Variants in CALCRL observed in about 807,000 individuals in gnomAD.
CALCRL encodes the protein calcitonin receptor like receptor.
A neutral mutation model predicts 60.4 loss-of-function variants in CALCRL; 27 were observed. The observed-to-expected ratio is 0.45, with a 90% confidence interval of 0.33 to 0.62. The LOEUF (loss-of-function observed/expected upper bound fraction) is 0.62. CALCRL is among the 20% of genes least tolerant of loss of function. The pLI is 0.03. For synonymous variants in CALCRL, 190 were observed against 182.6 expected, an observed-to-expected ratio of 1.04 and a Z score of -0.33; for missense variants, 424 against 540.7, an observed-to-expected ratio of 0.78 and a Z score of 2.14.
At chr2:187,438,853 C>T (rs1690767969) in intron 1 of CALCRL, among the ~76,000 whole-genome samples, 1 of 152,098 alleles carries the variant, frequency 6.6e-6, no homozygotes, top group South Asian at 2.1e-4. Flanking sequence ...TGAAGAAATA[C>T]ATATTAGGTT....
intron 1 of CALCRL, among the ~76,000 whole-genome samples, chr2:187,397,836 T>C (rs1176177196): frequency 6.6e-6 from 1 of 151,760 alleles, no homozygotes; most frequent in Non-Finnish European, 1.5e-5. Context: ...AAATTGGTTA[T>C]AATAGCCTTT....
At chr2:187,376,112 G>C (rs1329707335) in intron 8 of CALCRL, among the ~76,000 whole-genome samples, 2 of 152,020 alleles carry the variant, frequency 1.3e-5, no homozygotes, top group African/African-American at 4.8e-5. Context: ...AGATTCTTGG[G>C]TGTGGAAAGA....
At chr2:187,428,985 T>G (rs1047126975) in intron 1 of CALCRL, 4 of 151,966 alleles carry the variant, frequency 2.6e-5, no homozygotes, top group African/African-American at 9.7e-5. Flanking sequence ...AATATAAATA[T>G]TGCTTCAATT....
intron 1 of CALCRL, among the ~76,000 whole-genome samples, chr2:187,420,795 A>G (rs983750556): frequency 6.6e-6 from 1 of 152,214 alleles, no homozygotes; most frequent in African/African-American, 2.4e-5. Flanking sequence ...ATACACAAAT[A>G]CAGTAATAAT....
At chr2:187,366,489 G>A (rs698578) in intron 8 of CALCRL, among the ~76,000 whole-genome samples, 132,001 of 151,928 alleles carry the variant, frequency 0.87, 57,590 homozygotes, top group African/African-American at 0.91. Flanking sequence ...TAATCACTAT[G>A]TATTGTAGAT....
intron 1 of CALCRL, among the ~76,000 whole-genome samples, chr2:187,444,340 A>T (rs574404843): frequency 6.6e-6 from 1 of 151,656 alleles, no homozygotes; most frequent in East Asian, 1.9e-4. Flanking sequence ...CCCCAATACC[A>T]TAGGGGTTAT....
chr2:187,415,049 T>C (rs775753995), intron 1 of CALCRL, among the ~76,000 whole-genome samples: 1 of 152,146 alleles, frequency 6.6e-6, no homozygotes, highest in Non-Finnish European at 1.5e-5. Flanking sequence ...TGGTTAAATG[T>C]TAATCCCACA....
intron 8 of CALCRL, among the ~76,000 whole-genome samples, chr2:187,372,624 G>T (rs1477333695): frequency 6.6e-6 from 1 of 152,026 alleles, no homozygotes; most frequent in East Asian, 1.9e-4. Flanking sequence ...TCAACTTTTT[G>T]TATGGTTCTT....
rs574628369 is a variant in CALCRL at position 187,387,080 on chromosome 2, A to T, written c.-37+249T>A. ...GGACTAATACACTGAACACGCAAAC[A>T]ATATTTTTAAAGGAGAGAAAAAATT... is the stretch of plus-strand genomic sequence containing the variant. On this transcript the variant is annotated intron_variant, in intron 3 of 14. Transcript: ENST00000392370. 3.1e-4 allele frequency among the ~76,000 whole-genome samples: 47 copies of T among 152,318 alleles called. No individual in the cohort carries two copies. In the South Asian group the frequency reaches 8.1e-3, roughly 26 times the overall value.
intron 1 of CALCRL, among the ~76,000 whole-genome samples, chr2:187,442,367 A>AT (rs968505899): frequency 2.0e-5 from 3 of 149,660 alleles, no homozygotes; most frequent in East Asian, 3.9e-4. Flanking sequence ...CTTTGAATGT[A>AT]TTTTTTTTTA....
chr2:187,362,394 A>G (rs1687091973), intron 9 of CALCRL, among the ~76,000 whole-genome samples: 1 of 152,058 alleles, frequency 6.6e-6, no homozygotes, highest in Non-Finnish European at 1.5e-5. Flanking sequence ...AACATATACA[A>G]GATTAAGCAA....
At chr2:187,367,474 A>G (rs1482795043) in intron 8 of CALCRL, among the ~76,000 whole-genome samples, 1 of 152,262 alleles carries the variant, frequency 6.6e-6, no homozygotes, top group East Asian at 1.9e-4. Flanking sequence ...GATGATGCAT[A>G]TTGTTTCCTT....
intron 1 of CALCRL, among the ~76,000 whole-genome samples, chr2:187,430,930 C>T (rs879785632): frequency 2.0e-5 from 3 of 151,798 alleles, no homozygotes. Flanking sequence ...AGTATATATA[C>T]ATATAATATA....
chr2:187,429,087 AACTTTCCACAAGATT>A (rs1690284366), intron 1 of CALCRL, among the ~76,000 whole-genome samples: 1 of 152,098 alleles, frequency 6.6e-6, no homozygotes, highest in African/African-American at 2.4e-5. Context: ...AGTCTGAAAG[AACTTTCCACAAGATT>A]ACTAAACTTT....
At position 187,366,918 on chromosome 2, in the gene CALCRL, CCCCACACACA is replaced by C. The variant is rs57014248; in HGVS notation, c.501-3426_501-3417del. On this transcript the variant is annotated intron_variant, in intron 8 of 14. Transcript: ENST00000392370. ...AAAAATGTCATTATTGTGAGTATAA[CCCCACACACA>C]CACACACACACACACACACACACAC... Among the ~76,000 whole-genome samples, 818 of 84,590 alleles carry C rather than the reference CCCCACACACA, an allele frequency of 9.7e-3. 9 individuals are homozygous for C. Among genetic ancestry groups the C allele is most frequent in the East Asian group, 0.085 (312 of 3,672 alleles). The allele number at this position is 84,590 out of a possible 152,430, so 55.5% of individuals were successfully genotyped here.
intron 9 of CALCRL, among the ~76,000 whole-genome samples, chr2:187,360,963 T>C (rs1236961185): frequency 6.6e-6 from 1 of 151,876 alleles, no homozygotes; most frequent in Non-Finnish European, 1.5e-5. Context: ...TAATGGTATA[T>C]CTTCCAGAAA....
intron 8 of CALCRL, among the ~76,000 whole-genome samples, chr2:187,370,319 A>G (rs2105753745): frequency 6.6e-6 from 1 of 152,132 alleles, no homozygotes; most frequent in Non-Finnish European, 1.5e-5. Context: ...ATAATGGAAA[A>G]CCTGATTGTA....
intron 9 of CALCRL, 30 bp from the exon 10 acceptor site, chr2:187,360,781 A>G: frequency 3.2e-6 from 5 of 1,580,998 alleles, no homozygotes; most frequent in Non-Finnish European, 4.3e-6. Flanking sequence ...CCCAATATTT[A>G]CTTGTTTATG....
intron 1 of CALCRL, among the ~76,000 whole-genome samples, chr2:187,421,680 C>G (rs572861992): frequency 6.6e-6 from 1 of 152,340 alleles, no homozygotes; most frequent in African/African-American, 2.4e-5. Flanking sequence ...TTACCCTCTG[C>G]TGTGTTGCCA....
Sources: allele counts gnomAD v4.1 joint callset (sites outside exome capture counted in the v4.1 genomes callset), GRCh38; gene constraint gnomAD v4.1.1; transcripts MANE v1.5; gene names NCBI Gene and HGNC (gene_info 2026-07-23, HGNC 2026-07-21).